Variants in CTC1 observed in about 807,000 individuals in gnomAD.
CTC1 encodes the protein CST telomere replication complex component 1, also known as CST complex subunit CTC1.
A neutral mutation model predicts 136.3 loss-of-function variants in CTC1; 91 were observed. That is an observed-to-expected ratio of 0.67 (90% CI 0.56 to 0.79). The LOEUF is 0.79. CTC1 is among the 30% of genes least tolerant of loss of function. CTC1 has a pLI of 0.00. For missense variants in CTC1, 1,432 were observed against 1,498.1 expected (o/e 0.96, Z 0.73); for synonymous variants, 606 against 613.8 (o/e 0.99, Z 0.19).
rs754090012 is a variant in CTC1, at chr17:8,231,917, C to T, written c.2371G>A (p.Asp791Asn). ...TCCCAGTTTACCTTCTGATCATTGT[C>T]GTCATTTCCCTGGGGCTCGGGCAGC... ...WGLPEPQGND[D>N]NDQKVHLIFF... Residue 791 changes from aspartate to asparagine, a missense_variant, in exon 13 of 23, where the codon GAC becomes AAC. Transcript: ENST00000651323. 17 of 1,613,308 alleles carry T rather than the reference C, an allele frequency of 1.1e-5. No individual in the cohort carries two copies. Among genetic ancestry groups the T allele is most frequent in the South Asian group, 3.3e-5 (3 of 91,022 alleles).
In CTC1 at chr17:8,243,034, A is replaced by C. The variant is rs1168859015; in HGVS notation, c.148T>G (p.Trp50Gly). 6.8e-6 allele frequency: 11 copies of C among 1,613,936 alleles called. No homozygotes were observed. The highest frequency in any genetic ancestry group is 1.1e-5 in the South Asian group (1 of 90,976). Residue 50 changes from tryptophan (W) to glycine (G), a missense_variant, in exon 2 of 23, where the codon TGG becomes GGG. Trp to Gly is a radical substitution (Grantham distance 184). Transcript: ENST00000651323. Reference protein sequence around the residue: ...PLVIDCVKTVWLSQGRNQGST... With the variant: ...PLVIDCVKTVGLSQGRNQGST... ...CCTTGGTTCCTTCCCTGGGACAACC[A>C]GACAGTCTTCACACAATCAATTACC...
chr17:8,234,371 G>A (rs1987503230), intron 10 of CTC1, 84 bp downstream of exon 10: 1 of 1,333,044 alleles, frequency 7.5e-7, no homozygotes, highest in Non-Finnish European at 1.1e-6. Flanking sequence ...AAATGACGAA[G>A]AAAGATAGTA....
intron 2 of CTC1, among the ~76,000 whole-genome samples, chr17:8,242,548 AAAAAAATATATATATATAT>A (rs1988340741): frequency 2.5e-5 from 2 of 79,464 alleles, no homozygotes; most frequent in African/African-American, 7.8e-5. Context: ...AAAAAAAAAA[AAAAAAATATATATATATAT>A]ATATATATAT....
Position 8,231,196 on chromosome 17 carries a change from A to G in CTC1, c.2669+80T>C, listed in dbSNP as rs3027240. On this transcript the variant is annotated intron_variant, in intron 15 of 22. Coordinates refer to ENST00000651323, the MANE Select transcript of CTC1 (RefSeq NM_025099.6). ...AAAGAAATACCTCCTGCAGCAGAAA[A>G]TGAAGTCTTCACCAAACCCAGCTAG... The G allele has an allele frequency of 0.02, 22,994 of 1,131,446 alleles. 574 individuals are homozygous for G. The highest frequency in any genetic ancestry group is 0.1 in the Admixed American group (4,087 of 39,572). 70.1% of individuals were successfully genotyped at this position (1,131,446 alleles called of 1,614,324 possible).
intron 15 of CTC1, 130 bp downstream of exon 15, chr17:8,231,146 A>T: frequency 1.2e-6 from 1 of 806,698 alleles, no homozygotes; most frequent in Non-Finnish European, 1.9e-6. Context: ...GTCTCAAAAA[A>T]AAACAAACAA....
At chr17:8,238,936 C>T (rs1170725128) in intron 2 of CTC1, among the ~76,000 whole-genome samples, 2 of 151,598 alleles carry the variant, frequency 1.3e-5, no homozygotes, top group African/African-American at 4.8e-5. Context: ...ACTAAAAATA[C>T]AAAAAATTAG....
chr17:8,229,570 T>G (rs1010441942), intron 18 of CTC1, 124 bp from the exon 19 acceptor site: 1 of 789,510 alleles, frequency 1.3e-6, no homozygotes, highest in Non-Finnish European at 2.1e-6. Flanking sequence ...GTGGGTTCCA[T>G]GCGCTCCTAG....
Position 8,236,224 on chromosome 17 carries a change from G to T in CTC1, c.911C>A (p.Ser304Tyr), listed in dbSNP as rs1225861362. ...TGGTTTCAGCAGCAACAGACGGGAG[G>T]ACTGACTGGTCATCCAAACATGCTG... Reference protein sequence around the residue: ...QRQHVWMTSQSSRLLLLKPEC... With the variant: ...QRQHVWMTSQYSRLLLLKPEC... The change falls in exon 6 of 23, where the codon TCC (serine) becomes TAC (tyrosine). Residue 304 changes from serine to tyrosine, a missense_variant. Coordinates refer to ENST00000651323, the MANE Select transcript of CTC1 (RefSeq NM_025099.6). 14 of 1,614,058 alleles carry T rather than the reference G, an allele frequency of 8.7e-6. No individual in the cohort carries two copies. The highest frequency in any genetic ancestry group is 1.2e-5 in the Non-Finnish European group (14 of 1,180,038).
At chr17:8,228,705 C>T in intron 21 of CTC1, 22 bp downstream of exon 21, 1 of 1,614,016 alleles carries the variant, frequency 6.2e-7, no homozygotes, top group Non-Finnish European at 8.5e-7. Context: ...ATCCGAGTCC[C>T]TCCCTCCCAG....
rs374418436 is a variant in CTC1, at chr17:8,238,230, C to T, written c.448G>A (p.Asp150Asn). 85 of 1,607,282 alleles carry T rather than the reference C, an allele frequency of 5.3e-5. No individual in the cohort carries two copies. The highest frequency in any genetic ancestry group is 7.0e-5 in the Non-Finnish European group (82 of 1,175,350). Residue 150 changes from aspartate (D) to asparagine (N), a missense_variant, in exon 4 of 23, where the codon GAC becomes AAC. Transcript: ENST00000651323. The part of the protein sequence containing the change: ...GVLSCELIDL[D>N]LSWLGHLFLF... ...AAAAGATGGCCCAACCAAGAAAGGTCCAGGTCTATGAGCTAAGAAAGACCA... is the reference window on the plus strand; with the variant it reads ...AAAAGATGGCCCAACCAAGAAAGGTTCAGGTCTATGAGCTAAGAAAGACCA...
chr17:8,234,679 G>T, intron 9 of CTC1, 24 bp from the exon 10 acceptor site: 1 of 1,593,360 alleles, frequency 6.3e-7, no homozygotes, highest in South Asian at 1.1e-5. Context: ...AAGAGAAATC[G>T]GGTGTGTGTC....
At chr17:8,247,107 T>G (rs919011316) in intron 1 of CTC1, among the ~76,000 whole-genome samples, 2 of 151,398 alleles carry the variant, frequency 1.3e-5, no homozygotes, top group South Asian at 2.1e-4. Flanking sequence ...CTCAGCTTCC[T>G]GAGCAGCTGG....
chr17:8,232,203 A>G lies in CTC1; in HGVS notation c.2085T>C (p.Ala695=), dbSNP rs754633502. The G allele has an allele frequency of 1.0e-5, 16 of 1,527,334 alleles. No individual in the cohort carries two copies. The highest frequency in any genetic ancestry group is 1.4e-5 in the Non-Finnish European group (16 of 1,140,820). The allele number at this position is 1,527,334 out of a possible 1,614,324, so 94.6% of individuals were successfully genotyped here. A position where few individuals can be genotyped will look rare whatever the true frequency, so the allele number is the denominator to read the frequency against. Residue 695 remains alanine (A), a synonymous_variant, in exon 13 of 23, where the codon GCT becomes GCC. Transcript: ENST00000651323. ...QARVYVQFFL[A]DALILPVPRP... ...TGGGCACAGGCAGGATCAGGGCATC[A>G]GCCAGAAAGAACTGGACATAGACTC...
rs370102181 is a variant in CTC1, at chr17:8,231,292, C to G, written c.2653G>C (p.Asp885His). The change falls in exon 15 of 23, where the codon GAC becomes CAC. Residue 885 changes from aspartate to histidine, a missense_variant. By Grantham distance (81) the Asp-to-His change is moderately conservative. Coordinates refer to ENST00000651323, the MANE Select transcript of CTC1 (RefSeq NM_025099.6). Reference sequence around the variant, plus strand: ...GACATTTACTTGTCACTGAGCAGGTCGGTCAGTGAGGATTCAGGCAATGAC... The same window carrying G: ...GACATTTACTTGTCACTGAGCAGGTGGGTCAGTGAGGATTCAGGCAATGAC... The part of the protein sequence containing the change: ...NKSLPESSLT[D>H]LLSDNFTDSL... The G allele has an allele frequency of 6.3e-7, 1 of 1,576,700 alleles. No homozygotes were observed. The highest frequency in any genetic ancestry group is 1.1e-5 in the South Asian group (1 of 87,428).
Position 8,235,841 on chromosome 17 carries a change from A to G in CTC1, c.1196T>C (p.Val399Ala), listed in dbSNP as rs1175145979. ...CCTGATCTCACATACCTGCAGACACACTCCAGGTCGCATCACCCGCCTAAG... is the reference window on the plus strand; with the variant it reads ...CCTGATCTCACATACCTGCAGACACGCTCCAGGTCGCATCACCCGCCTAAG... ...RGLRRVMRPG[V>A]CLQLQDVHLL... is the part of the protein sequence containing the mutation. Residue 399 changes from valine (V) to alanine (A), a missense_variant, in exon 7 of 23, where the codon GTG (valine) becomes GCG (alanine). Transcript: ENST00000651323. The G allele has an allele frequency of 4.4e-6, 7 of 1,608,442 alleles. No individual in the cohort carries two copies. Among genetic ancestry groups the G allele is most frequent in the Non-Finnish European group, 6.0e-6 (7 of 1,175,932 alleles).
Position 8,229,299 on chromosome 17 carries a change from T to C in CTC1, c.3156+3A>G, listed in dbSNP as rs1400590999. ...AGTTCAGCCTGTTCCTTCCCTCCCTTACCTGCCGGCAGATGCTGGTACAAT... is the reference window on the plus strand; with the variant it reads ...AGTTCAGCCTGTTCCTTCCCTCCCTCACCTGCCGGCAGATGCTGGTACAAT... On this transcript the variant is annotated splice_donor_region_variant and intron_variant, in intron 19 of 22. Transcript: ENST00000651323. 1.9e-6 allele frequency: 3 copies of C among 1,614,020 alleles called. No individual in the cohort carries two copies. Among genetic ancestry groups the C allele is most frequent in the African/African-American group, 2.7e-5 (2 of 74,884 alleles).
chr17:8,228,741 C>T lies in CTC1; in HGVS notation c.3373G>A (p.Gly1125Arg). 6.2e-7 allele frequency: 1 copy of T among 1,614,084 alleles called. No individual in the cohort carries two copies. Among genetic ancestry groups the T allele is most frequent in the South Asian group, 1.1e-5 (1 of 91,078 alleles). Residue 1125 changes from glycine to arginine, a missense_variant, in exon 21 of 23, where the codon GGA (glycine) becomes AGA (arginine). Transcript: ENST00000651323. ...GRVVLQFAGP[G>R]AQLESSARVD... ...CCACATTACACCTCAAGTTGGGCTC[C>T]AGGCCCTGCAAACTGCAAGACCACT... is the stretch of plus-strand genomic sequence containing the variant.
In CTC1 at chr17:8,226,736, T is replaced by C. The variant is rs1986723706; in HGVS notation, c.*1444A>G. ...TCATCCAATGCCTTTCTTACTTCCCTTGACTGACAAACATCTGCCTCCATG... is the reference window on the plus strand; with the variant it reads ...TCATCCAATGCCTTTCTTACTTCCCCTGACTGACAAACATCTGCCTCCATG... On this transcript the variant is annotated 3_prime_UTR_variant, in exon 23 of 23. Transcript: ENST00000651323. 6.6e-6 allele frequency: 1 copy of C among 152,178 alleles called. No homozygotes were observed. The highest frequency in any genetic ancestry group is 2.4e-5 in the African/African-American group (1 of 41,438). 9.4% of individuals were successfully genotyped at this position (152,178 alleles called of 1,614,324 possible).
chr17:8,243,700 A>C lies in CTC1; in HGVS notation c.34-552T>G, dbSNP rs147347801. 2.4e-3 allele frequency among the ~76,000 whole-genome samples: 363 copies of C among 152,286 alleles called. 3 individuals are homozygous for C. Among genetic ancestry groups the C allele is most frequent in the African/African-American group, 7.2e-3 (300 of 41,552 alleles). On this transcript the variant is annotated intron_variant, in intron 1 of 22. Transcript: ENST00000651323. Reference sequence around the variant, plus strand: ...CTTGTACTCATGCCATCTTACATGGAATCTGGTTCTAAAGTCAGTACGTTG... The same window carrying C: ...CTTGTACTCATGCCATCTTACATGGCATCTGGTTCTAAAGTCAGTACGTTG...
Sources: gnomAD v4.1 joint callset for allele counts (sites outside exome capture counted in the v4.1 genomes callset) on GRCh38, gnomAD v4.1.1 for gene constraint, MANE v1.5 for transcripts, NCBI Gene and HGNC (gene_info 2026-07-23, HGNC 2026-07-21) for gene names.